The following CWF19L2 variants were observed in gnomAD, a reference collection of about 807,000 sequenced individuals.
CWF19L2 encodes CWF19-like protein 2.
Under a neutral mutation model 111.7 loss-of-function variants are expected in CWF19L2, and 98 were observed. The ratio of observed to expected loss-of-function variants is 0.88; its 90% confidence interval spans 0.75 to 1.04. The LOEUF (loss-of-function observed/expected upper bound fraction) is 1.04, where lower values mean the gene tolerates loss of function less well. Ranked by LOEUF, CWF19L2 falls within the 50% of genes least tolerant of loss-of-function variation. The pLI, the probability that CWF19L2 is intolerant of heterozygous loss-of-function variation, is 0.00. For missense variants in CWF19L2, 1,101 were observed against 1,051.4 expected, an observed-to-expected ratio of 1.05 and a Z score of -0.65; for synonymous variants, 351 against 342.9, an observed-to-expected ratio of 1.02 and a Z score of -0.26.
intron 14 of CWF19L2, among the ~76,000 whole-genome samples, chr11:107,347,481 A>C (rs1417997451): frequency 6.6e-6 from 1 of 152,216 alleles, no homozygotes; most frequent in East Asian, 1.9e-4. Context: ...TAGGATTCAA[A>C]TATTTCATTA....
At chr11:107,355,911 C>T (rs1221469957) in intron 12 of CWF19L2, among the ~76,000 whole-genome samples, 2 of 152,092 alleles carry the variant, frequency 1.3e-5, no homozygotes, top group Non-Finnish European at 2.9e-5. Context: ...AAATTCCACC[C>T]AACAGCGCAA....
At chr11:107,390,485 T>TA (rs997602512) in intron 11 of CWF19L2, among the ~76,000 whole-genome samples, 2 of 152,226 alleles carry the variant, frequency 1.3e-5, no homozygotes, top group Non-Finnish European at 2.9e-5. Flanking sequence ...AAAACTGCTC[T>TA]ACCCCTTCTT....
intron 10 of CWF19L2, among the ~76,000 whole-genome samples, chr11:107,397,107 G>A (rs1043905876): frequency 2.0e-5 from 3 of 152,114 alleles, no homozygotes; most frequent in Non-Finnish European, 4.4e-5. Context: ...AACTCCACAG[G>A]GAAAAGGAAT....
rs139988237 is a variant in CWF19L2 at position 107,328,282 on chromosome 11, G to A, written c.2542-1229C>T. 4.2e-3 allele frequency among the ~76,000 whole-genome samples: 633 copies of A among 152,218 alleles called. 1 individual carries two copies. The highest frequency in any genetic ancestry group is 7.1e-3 in the Non-Finnish European group (482 of 67,990). ...GAGAAATAGGGCAAATTGAGATTTA[G>A]TTCAAGAGTTTCTCAGCATCGGTCC... On this transcript the variant is annotated intron_variant, in intron 17 of 17. Coordinates refer to ENST00000282251, the MANE Select transcript of CWF19L2 (RefSeq NM_152434.3).
At chr11:107,407,255 C>T (rs76504815) in intron 10 of CWF19L2, among the ~76,000 whole-genome samples, 1,958 of 152,144 alleles carry the variant, frequency 0.013, 34 homozygotes, top group African/African-American at 0.044. Flanking sequence ...ATCTGTTATG[C>T]AGTCTACAAT....
At chr11:107,387,529 T>C (rs1349678067) in intron 12 of CWF19L2, among the ~76,000 whole-genome samples, 1 of 151,310 alleles carries the variant, frequency 6.6e-6, no homozygotes, top group Admixed American at 6.6e-5. Context: ...AAGTTATCCA[T>C]GGCCTGTAAG....
intron 8 of CWF19L2, among the ~76,000 whole-genome samples, chr11:107,421,971 CAGG>C (rs1861308289): frequency 6.6e-6 from 1 of 151,992 alleles, no homozygotes; most frequent in South Asian, 2.1e-4. Flanking sequence ...AATTCACCAA[CAGG>C]AGAATGGAAA....
chr11:107,435,692 A>C (rs1861531118), intron 6 of CWF19L2, among the ~76,000 whole-genome samples: 1 of 152,172 alleles, frequency 6.6e-6, no homozygotes, highest in South Asian at 2.1e-4. Context: ...TCTTATAATT[A>C]GAGATGGCAA....
chr11:107,360,284 C>T (rs1021095102), intron 12 of CWF19L2, among the ~76,000 whole-genome samples: 1 of 148,034 alleles, frequency 6.8e-6, no homozygotes, highest in Non-Finnish European at 1.5e-5. Flanking sequence ...CAGCAAAAAA[C>T]AAAAACAAAA....
At chr11:107,332,017 G>A (rs1859856472) in intron 16 of CWF19L2, among the ~76,000 whole-genome samples, 1 of 152,142 alleles carries the variant, frequency 6.6e-6, no homozygotes, top group Admixed American at 6.5e-5. Flanking sequence ...CAGAATTAAA[G>A]CAAAACTTTT....
At chr11:107,333,542 C>T (rs980330428) in intron 16 of CWF19L2, among the ~76,000 whole-genome samples, 11 of 152,144 alleles carry the variant, frequency 7.2e-5, no homozygotes, top group African/African-American at 1.2e-4. Context: ...AAAAGATGTA[C>T]GTACATTAAA....
Position 107,426,422 on chromosome 11 carries a change from T to G in CWF19L2, c.1433+2377A>C, listed in dbSNP as rs1318257507. ...TTAATACTGCAAAATATGTAAAAAG[T>G]AAAATGCATGTACTCTTTGACCTGA... On this transcript the variant is annotated intron_variant, in intron 8 of 17. Transcript: ENST00000282251. 2.0e-5 allele frequency among the ~76,000 whole-genome samples: 3 copies of G among 151,842 alleles called. No homozygotes were observed. In the East Asian group the frequency reaches 5.8e-4, roughly 29 times the overall value.
At chr11:107,427,428 T>C (rs1000351259) in intron 8 of CWF19L2, among the ~76,000 whole-genome samples, 37 of 152,106 alleles carry the variant, frequency 2.4e-4, no homozygotes, top group African/African-American at 8.7e-4. Context: ...CGAAAAATTA[T>C]ATACATACAC....
chr11:107,348,308 G>A (rs1368471726), intron 14 of CWF19L2, among the ~76,000 whole-genome samples: 6 of 152,002 alleles, frequency 3.9e-5, no homozygotes, highest in Non-Finnish European at 1.5e-5. Flanking sequence ...AAAATAAAGA[G>A]TTTTCTTCCT....
At position 107,443,063 on chromosome 11, in the gene CWF19L2, G is replaced by A. The variant is rs1200945415; in HGVS notation, c.340-14C>T. 1.3e-6 allele frequency: 2 copies of A among 1,484,294 alleles called. No individual in the cohort carries two copies. Among genetic ancestry groups the A allele is most frequent in the Non-Finnish European group, 1.8e-6 (2 of 1,085,678 alleles). 91.9% of individuals were successfully genotyped at this position (1,484,294 alleles called of 1,614,324 possible). A position where few individuals can be genotyped will look rare whatever the true frequency, so the allele number is the denominator to read the frequency against. ...ATCTTCAGAGCTCTAAGAACATTTA[G>A]CATATAAGTGAAATTGTCAAATTTG... On this transcript the variant is annotated splice_polypyrimidine_tract_variant and intron_variant, in intron 3 of 17. Transcript: ENST00000282251.
At chr11:107,352,985 ATT>A (rs1860179257) in intron 13 of CWF19L2, among the ~76,000 whole-genome samples, 1 of 152,072 alleles carries the variant, frequency 6.6e-6, no homozygotes, top group African/African-American at 2.4e-5. Context: ...TTCCTGAAAC[ATT>A]ATTCATTCCT....
At chr11:107,340,890 T>C (rs1222347153) in intron 14 of CWF19L2, among the ~76,000 whole-genome samples, 1 of 152,248 alleles carries the variant, frequency 6.6e-6, no homozygotes, top group East Asian at 1.9e-4. Flanking sequence ...ATACAAAATA[T>C]GGACACGTTT....
At chr11:107,375,353 T>C (rs1334350909) in intron 12 of CWF19L2, among the ~76,000 whole-genome samples, 1 of 136,624 alleles carries the variant, frequency 7.3e-6, no homozygotes, top group Non-Finnish European at 1.6e-5. Context: ...TATTCCAAAA[T>C]TGACCACATA....
intron 12 of CWF19L2, among the ~76,000 whole-genome samples, chr11:107,376,345 C>T (rs1212491322): frequency 1.1e-5 from 1 of 90,830 alleles, no homozygotes; most frequent in Non-Finnish European, 2.1e-5. Flanking sequence ...CCTTGATGAA[C>T]ATTGATGCAA....
Sources: gnomAD v4.1 joint callset for allele counts (sites outside exome capture counted in the v4.1 genomes callset) on GRCh38, gnomAD v4.1.1 for gene constraint, MANE v1.5 for transcripts, NCBI Gene and HGNC (gene_info 2026-07-23, HGNC 2026-07-21) for gene names.